SRSF11: variants seen among roughly 807,000 people sequenced by gnomAD.
The protein encoded by SRSF11 is serine and arginine rich splicing factor 11, also known as serine/arginine-rich splicing factor 11.
In SRSF11, 9 loss-of-function variants were observed where a neutral mutation model predicts 56.0. That is an observed-to-expected ratio of 0.16 (90% CI 0.10 to 0.28). SRSF11 has a LOEUF of 0.28. Among genes scored for constraint, SRSF11 ranks in the 10% least tolerant of loss-of-function variants. The pLI is 1.00. For missense variants in SRSF11, 421 were observed against 600.7 expected, an observed-to-expected ratio of 0.70 and a Z score of 3.13; for synonymous variants, 222 against 215.3, an observed-to-expected ratio of 1.03 and a Z score of -0.27.
chr1:70,245,842 G>A (rs1444676933), intron 8 of SRSF11, among the ~76,000 whole-genome samples: 9 of 152,158 alleles, frequency 5.9e-5, no homozygotes, highest in Non-Finnish European at 1.2e-4. Context: ...TGAAAATGGT[G>A]AACAGGGAAT....
intron 2 of SRSF11, chr1:70,229,593 A>T (rs900518159): frequency 2.9e-5 from 29 of 984,010 alleles, no homozygotes; most frequent in Non-Finnish European, 3.4e-5. Flanking sequence ...TTAAGTTAAT[A>T]ATTTAATATG....
At position 70,250,685 on chromosome 1, in the gene SRSF11, A is replaced by G; in HGVS notation, c.1335A>G (p.Ile445Met). Residue 445 changes from isoleucine (I) to methionine (M), a missense_variant, in exon 12 of 12, where the codon ATA becomes ATG. By Grantham distance (10) the Ile-to-Met change is conservative (BLOSUM62 1). Coordinates refer to ENST00000370949, the MANE Select transcript of SRSF11 (RefSeq NM_001350605.2). ...EKEKKEEKKP[I>M]ETGSPKTKEC... ...AGAAAAAAGAAGAGAAGAAACCAAT[A>G]GAAACAGGTTCCCCTAAAACAAAGG... The G allele has an allele frequency of 1.2e-6, 2 of 1,614,036 alleles. No individual in the cohort carries two copies. The highest frequency in any genetic ancestry group is 1.7e-6 in the Non-Finnish European group (2 of 1,179,958).
Position 70,250,822 on chromosome 1 carries a change from A to C in SRSF11, c.*17A>C. ...AGTGACTGAATATTGCCTCTGAGGG[A>C]GTCCAACTGTATACCTGCATCAGTG... On this transcript the variant is annotated 3_prime_UTR_variant, in exon 12 of 12. Coordinates refer to ENST00000370949, the MANE Select transcript of SRSF11 (RefSeq NM_001350605.2). The C allele has an allele frequency of 6.2e-7, 1 of 1,604,680 alleles. No individual in the cohort carries two copies. The highest frequency in any genetic ancestry group is 8.5e-7 in the Non-Finnish European group (1 of 1,172,024).
intron 1 of SRSF11, among the ~76,000 whole-genome samples, chr1:70,212,807 T>G (rs577937672): frequency 4.2e-4 from 64 of 152,278 alleles, no homozygotes; most frequent in African/African-American, 1.5e-3. Context: ...TCGTGGCTGA[T>G]GCCTGTAATC....
chr1:70,228,638 T>C, intron 2 of SRSF11, 83 bp downstream of exon 2: 2 of 1,440,152 alleles, frequency 1.4e-6, no homozygotes, highest in Non-Finnish European at 1.8e-6. Context: ...ATTAGTAGCA[T>C]GTTAAATCTA....
chr1:70,218,427 A>G (rs150264985), upstream of SRSF11, among the ~76,000 whole-genome samples: 2 of 152,334 alleles, frequency 1.3e-5, no homozygotes, highest in East Asian at 1.9e-4. Flanking sequence ...AGTATCATCT[A>G]TTTGTTCAGT....
chr1:70,243,747 A>T (rs1042140199), intron 7 of SRSF11, among the ~76,000 whole-genome samples: 2 of 152,202 alleles, frequency 1.3e-5, no homozygotes, highest in Admixed American at 1.3e-4. Context: ...CTTATTTTTA[A>T]TTTTTAAAAT....
intron 2 of SRSF11, chr1:70,229,027 A>G: frequency 2.0e-6 from 2 of 984,814 alleles, no homozygotes; most frequent in Non-Finnish European, 2.4e-6. Context: ...GAATTTCAGT[A>G]TACCAAGGGT....
chr1:70,234,870 A>G (rs1673605232), intron 4 of SRSF11, 82 bp downstream of exon 4: 4 of 1,134,676 alleles, frequency 3.5e-6, no homozygotes, highest in Non-Finnish European at 5.1e-6. Context: ...TTTCAAGAGC[A>G]GAAGCTAATG....
rs1242847308 is a variant in SRSF11 at position 70,252,861 on chromosome 1, C to T, written c.*2056C>T. On this transcript the variant is annotated 3_prime_UTR_variant, in exon 12 of 12. Coordinates refer to ENST00000370949, the MANE Select transcript of SRSF11 (RefSeq NM_001350605.2). ...TAAAAGTAGTGCCACTGACAAGATG[C>T]TACAGTGAAGATTATCCATTCTTAG... 1.3e-5 allele frequency: 2 copies of T among 152,152 alleles called. No homozygotes were observed. Among genetic ancestry groups the T allele is most frequent in the Non-Finnish European group, 2.9e-5 (2 of 68,020 alleles). The allele number at this position is 152,152 out of a possible 1,614,324, so 9.4% of individuals were successfully genotyped here. A position where few individuals can be genotyped will look rare whatever the true frequency, so the allele number is the denominator to read the frequency against.
Position 70,250,898 on chromosome 1 carries a change from G to T in SRSF11, c.*93G>T, listed in dbSNP as rs571072766. ...GCTGTATTTGTTCATCTCAAACCTA[G>T]ATGTATACAGCTCTGAGTTATAAAT... On this transcript the variant is annotated 3_prime_UTR_variant, in exon 12 of 12. Transcript: ENST00000370949. 1.8e-4 allele frequency: 196 copies of T among 1,079,768 alleles called. No individual in the cohort carries two copies. In the Middle Eastern group the frequency reaches 2.7e-3, roughly 15 times the overall value. The allele number at this position is 1,079,768 out of a possible 1,614,324, so 66.9% of individuals were successfully genotyped here.
rs185082961 is a variant in SRSF11 at position 70,210,876 on chromosome 1, T to A, written c.-26+5096T>A. 7.1e-4 allele frequency among the ~76,000 whole-genome samples: 108 copies of A among 152,098 alleles called. 1 individual carries two copies. The East Asian group carries it at 0.017, about 24-fold the overall frequency. ...GTGGAAGAACTAGTAAAAAAAAAAATTATCAAAAATGCTTTTAATTTGGGG... is the reference window on the plus strand; with the variant it reads ...GTGGAAGAACTAGTAAAAAAAAAAAATATCAAAAATGCTTTTAATTTGGGG... On this transcript the variant is annotated intron_variant, in intron 1 of 12. Transcript: ENST00000370950.
At chr1:70,227,213 G>A (rs985624906) in intron 1 of SRSF11, among the ~76,000 whole-genome samples, 1 of 152,146 alleles carries the variant, frequency 6.6e-6, no homozygotes. Context: ...GAAATTCTTA[G>A]TATAACCAAA....
chr1:70,249,988 A>G lies in SRSF11; in HGVS notation c.1059A>G (p.Arg353=). Residue 353 remains arginine, a synonymous_variant, in exon 10 of 12, where the codon AGA becomes AGG. Transcript: ENST00000370949. Reference sequence around the variant, plus strand: ...GACGAAGAAGCAGGAGTGGCACAAGATCTCCTAAAAAGCCTCGGTCTCCTA... The same window carrying G: ...GACGAAGAAGCAGGAGTGGCACAAGGTCTCCTAAAAAGCCTCGGTCTCCTA... ...RRRRRSRSGT[R]SPKKPRSPKR... 1.2e-6 allele frequency: 2 copies of G among 1,614,110 alleles called. No homozygotes were observed. The highest frequency in any genetic ancestry group is 1.1e-5 in the South Asian group (1 of 91,066).
chr1:70,224,677 T>C (rs1034473810), intron 1 of SRSF11, among the ~76,000 whole-genome samples: 1 of 152,218 alleles, frequency 6.6e-6, no homozygotes, highest in African/African-American at 2.4e-5. Flanking sequence ...ATTTATTCCT[T>C]CTTTTAAACC....
At position 70,232,503 on chromosome 1, in the gene SRSF11, TC is replaced by T. The variant is rs1331078104; in HGVS notation, c.447+127del. 5.9e-6 allele frequency: 4 copies of T among 675,712 alleles called. No individual in the cohort carries two copies. In the African/African-American group the frequency reaches 7.2e-5, roughly 12 times the overall value. The allele number at this position is 675,712 out of a possible 1,614,324, so 41.9% of individuals were successfully genotyped here. ...CAGATAGCATTATCACATGTCTATA[TC>T]AAAATCACAAATAGTATAGAAGATC... On this transcript the variant is annotated intron_variant, in intron 3 of 11. Transcript: ENST00000370949.
intron 1 of SRSF11, chr1:70,222,827 A>G (rs1226264779): frequency 6.6e-6 from 1 of 152,214 alleles, no homozygotes; most frequent in Admixed American, 6.5e-5. Flanking sequence ...TTTCTGCTCA[A>G]TAAAATAATT....
At chr1:70,233,903 G>A (rs948908234) in intron 3 of SRSF11, among the ~76,000 whole-genome samples, 5 of 152,178 alleles carry the variant, frequency 3.3e-5, no homozygotes, top group South Asian at 2.1e-4. Flanking sequence ...GATTACTAGG[G>A]GAACTCTAAT....
At chr1:70,222,020 G>T (rs187916869) in intron 1 of SRSF11, among the ~76,000 whole-genome samples, 181 bp downstream of exon 1, 1 of 152,146 alleles carries the variant, frequency 6.6e-6, no homozygotes, top group African/African-American at 2.4e-5. Flanking sequence ...GAGAGGCAGG[G>T]CCAGGGCTTT....
Sources: gnomAD v4.1 joint callset for allele counts (sites outside exome capture counted in the v4.1 genomes callset) on GRCh38, gnomAD v4.1.1 for gene constraint, MANE v1.5 for transcripts, NCBI Gene and HGNC (gene_info 2026-07-23, HGNC 2026-07-21) for gene names.